USB1: variants seen among roughly 807,000 people sequenced by gnomAD.
USB1 encodes U6 snRNA biogenesis phosphodiesterase 1.
Under a neutral mutation model 29.9 loss-of-function variants are expected in USB1, and 21 were observed. The ratio of observed to expected loss-of-function variants is 0.70; its 90% CI spans 0.50 to 1.01. USB1 has a LOEUF of 1.01. USB1 is among the 50% of genes least tolerant of loss of function. USB1 has a pLI of 0.00. For synonymous variants in USB1, 143 were observed against 134.9 expected (o/e 1.06, Z -0.42); for missense variants, 330 against 347.1 (o/e 0.95, Z 0.39).
At chr16:58,012,778 C>A in intron 3 of USB1, 1 of 1,012,386 alleles carries the variant, frequency 9.9e-7, no homozygotes, top group Non-Finnish European at 1.2e-6. Flanking sequence ...GCACACTGCA[C>A]TTGCGCTAGG....
At chr16:58,001,401 G>A (rs933078813), upstream of USB1, 83 of 1,506,822 alleles carry the variant, frequency 5.5e-5, no homozygotes, top group Non-Finnish European at 7.0e-5. Context: ...CCGCCCCTGG[G>A]AGGGCGCTTC....
At chr16:58,010,881 A>G in intron 3 of USB1, 1 of 644,550 alleles carries the variant, frequency 1.6e-6, no homozygotes, top group Non-Finnish European at 2.8e-6. Context: ...TGTAGTTCCA[A>G]ATTTTTACGG....
chr16:58,011,707 T>G, intron 3 of USB1: 2 of 987,734 alleles, frequency 2.0e-6, no homozygotes, highest in African/African-American at 1.7e-5. Flanking sequence ...TCTTTACCCC[T>G]GGTGGTCATT....
rs1307473252 is a variant in USB1 at position 58,013,316 on chromosome 16, A to G, written c.450-957A>G. The stretch of plus-strand genomic sequence containing the variant: ...TCTTCCTAAAAGCTGCACTTAACCA[A>G]GCTCCTGGTGGTTCTGTGATCCCTT... On this transcript the variant is annotated intron_variant, in intron 3 of 6. Transcript: ENST00000219281. The surrounding 1 kb of genome is among the most constrained non-coding windows in gnomAD (Gnocchi z 4.3). The G allele has an allele frequency of 1.0e-6, 1 of 985,290 alleles. No homozygotes were observed. The highest frequency in any genetic ancestry group is 1.7e-5 in the African/African-American group (1 of 57,210). The allele number at this position is 985,290 out of a possible 1,614,324, so 61.0% of individuals were successfully genotyped here.
chr16:58,003,625 G>C (rs1471972609), intron 2 of USB1, among the ~76,000 whole-genome samples: 1 of 152,204 alleles, frequency 6.6e-6, no homozygotes, highest in African/African-American at 2.4e-5. Context: ...ATATGATCCA[G>C]ATCATCTTTT....
rs1341634903 is a variant in USB1, at chr16:58,009,901, GC to G, written c.266-25del. On this transcript the variant is annotated intron_variant, in intron 2 of 6. Transcript: ENST00000219281. ...CCATGGCACCTTGGCTGAGAGAACGGCCCGCCCTCTTTACTCCTCCCCTCCA... is the reference window on the plus strand; with the variant it reads ...CCATGGCACCTTGGCTGAGAGAACGGCCGCCCTCTTTACTCCTCCCCTCCA... The G allele has an allele frequency of 2.5e-6, 4 of 1,613,716 alleles. No individual in the cohort carries two copies. In the African/African-American group the frequency reaches 5.3e-5, roughly 22 times the overall value.
Position 58,020,326 on chromosome 16 carries a change from T to C in USB1, c.*81T>C. 2 of 1,398,350 alleles carry C rather than the reference T, an allele frequency of 1.4e-6. No individual in the cohort carries two copies. The highest frequency in any genetic ancestry group is 4.8e-5 in the East Asian group (2 of 41,998). The allele number at this position is 1,398,350 out of a possible 1,614,324, so 86.6% of individuals were successfully genotyped here. A position where few individuals can be genotyped will look rare whatever the true frequency, so the allele number is the denominator to read the frequency against. On this transcript the variant is annotated 3_prime_UTR_variant, in exon 7 of 7. Transcript: ENST00000219281. The stretch of plus-strand genomic sequence containing the variant: ...ACCTGCTAAAATCGATGGAGATGCT[T>C]CTAGCCTCCCAGTAGGAGGCCCCAG...
At position 58,001,412 on chromosome 16, in the gene USB1, C is replaced by T; in HGVS notation, c.-72C>T. Reference sequence around the variant, plus strand: ...GGCCCCGCCCCTGGGAGGGCGCTTCCGGCACAGCGGAACTCCGGGTGCCGG... The same window carrying T: ...GGCCCCGCCCCTGGGAGGGCGCTTCTGGCACAGCGGAACTCCGGGTGCCGG... On this transcript the variant is annotated 5_prime_UTR_variant, in exon 1 of 7. Transcript: ENST00000219281. 1 of 1,536,596 alleles carries T rather than the reference C, an allele frequency of 6.5e-7. No individual in the cohort carries two copies. The highest frequency in any genetic ancestry group is 8.8e-7 in the Non-Finnish European group (1 of 1,134,826).
At position 58,014,305 on chromosome 16, in the gene USB1, ACACCAATCAAGAGAAAAC is replaced by A; in HGVS notation, c.485_502del (p.Thr162_Thr167del). ...TTTACTGCCAACCAGGTAAAGATTT[ACACCAATCAAGAGAAAAC>A]CAGGTGGGTCCTCCCAACCCCCAAT... On this transcript the variant is annotated inframe_deletion, in exon 4 of 7. Transcript: ENST00000219281. 6.2e-7 allele frequency: 1 copy of A among 1,613,892 alleles called. No homozygotes were observed. Among genetic ancestry groups the A allele is most frequent in the Non-Finnish European group, 8.5e-7 (1 of 1,179,792 alleles).
At chr16:58,012,836 C>T (rs1367520550) in intron 3 of USB1, 2 of 992,500 alleles carry the variant, frequency 2.0e-6, no homozygotes, top group East Asian at 1.1e-4. Context: ...GCCTGGGCTC[C>T]CCTGCATACA....
chr16:58,005,367 C>T (rs559179952), intron 2 of USB1, among the ~76,000 whole-genome samples: 11 of 152,208 alleles, frequency 7.2e-5, no homozygotes, highest in African/African-American at 2.2e-4. Flanking sequence ...CTGACGCTAC[C>T]GTTAGACCAC....
chr16:58,016,886 G>A (rs770079930), intron 4 of USB1: 6 of 209,906 alleles, frequency 2.9e-5, no homozygotes, highest in Non-Finnish European at 5.9e-5. Context: ...TGCTGAAACC[G>A]TGGGTTCAGG....
In USB1 at chr16:58,010,068, C is replaced by G; in HGVS notation, c.405C>G (p.Leu135=). 2 of 1,614,188 alleles carry G rather than the reference C, an allele frequency of 1.2e-6. No individual in the cohort carries two copies. Among genetic ancestry groups the G allele is most frequent in the Non-Finnish European group, 1.7e-6 (2 of 1,180,026 alleles). Residue 135 remains leucine, a synonymous_variant, in exon 3 of 7, where the codon CTC becomes CTG. Transcript: ENST00000219281. ...QSVVLRHHWI[L]PFVQALKARM... is the part of the protein sequence containing the mutation. ...TGGTTCTGCGCCACCACTGGATCCTCCCCTTCGTGCAGGCTCTGAAAGCCC... is the reference window on the plus strand; with the variant it reads ...TGGTTCTGCGCCACCACTGGATCCTGCCCTTCGTGCAGGCTCTGAAAGCCC...
At chr16:58,016,538 TCTTC>T (rs2142310776) in intron 4 of USB1, 1 of 154,520 alleles carries the variant, frequency 6.5e-6, no homozygotes, top group East Asian at 1.9e-4. Flanking sequence ...GATCCAGTGA[TCTTC>T]ACCACGGGGA....
intron 3 of USB1, chr16:58,011,354 C>A (rs780792646): frequency 7.7e-5 from 99 of 1,278,278 alleles, no homozygotes; most frequent in Middle Eastern, 2.7e-4. Context: ...GGGTTAGTAC[C>A]AGACCCCACT....
Position 58,006,008 on chromosome 16 carries a change from T to G in USB1, c.265+3363T>G, listed in dbSNP as rs553570217. 8.5e-5 allele frequency among the ~76,000 whole-genome samples: 13 copies of G among 152,152 alleles called. No individual in the cohort carries two copies. The South Asian group carries it at 2.7e-3, about 32-fold the overall frequency. On this transcript the variant is annotated intron_variant, in intron 2 of 6. Coordinates refer to ENST00000219281, the MANE Select transcript of USB1 (RefSeq NM_024598.4). Reference sequence around the variant, plus strand: ...TATATCATTTATTACTTCCAGGAAATTTTTTTTGGTAGTTCTTTTGGATTT... The same window carrying G: ...TATATCATTTATTACTTCCAGGAAAGTTTTTTTGGTAGTTCTTTTGGATTT...
In USB1 at chr16:58,001,522, C is replaced by T. The variant is rs1369297387; in HGVS notation, c.39C>T (p.Gly13=). ...AAPLVGYSSS[G]SEDESEDGMR... is the part of the protein sequence containing the mutation. ...CCCTGGTGGGCTACAGCAGCAGCGG[C>T]TCCGAGGATGAGTCCGAGGACGGGA... The change falls in exon 1 of 7, where the codon GGC becomes GGT. Residue 13 remains glycine (G), a synonymous_variant. Coordinates refer to ENST00000219281, the MANE Select transcript of USB1 (RefSeq NM_024598.4). The T allele has an allele frequency of 6.2e-7, 1 of 1,608,558 alleles. No individual in the cohort carries two copies. Among genetic ancestry groups the T allele is most frequent in the Non-Finnish European group, 8.5e-7 (1 of 1,178,032 alleles).
rs370473790 is a variant in USB1, at chr16:58,020,410, T to TTC, written c.*177_*178dup. On this transcript the variant is annotated 3_prime_UTR_variant, in exon 7 of 7. Coordinates refer to ENST00000219281, the MANE Select transcript of USB1 (RefSeq NM_024598.4). ...TCCTCATCCTCCCTGAGTGCTGATA[T>TTC]TCTCTCTCTCTCTTTCTCTTCCTCT... The TTC allele has an allele frequency of 8.8e-6, 6 of 679,072 alleles. No homozygotes were observed. Among genetic ancestry groups the TTC allele is most frequent in the African/African-American group, 7.1e-5 (4 of 55,976 alleles). 42.1% of individuals were successfully genotyped at this position (679,072 alleles called of 1,614,324 possible). A position where few individuals can be genotyped will look rare whatever the true frequency, so the allele number is the denominator to read the frequency against.
chr16:58,006,532 G>T (rs748900474), intron 2 of USB1, among the ~76,000 whole-genome samples: 4 of 152,082 alleles, frequency 2.6e-5, no homozygotes, highest in Non-Finnish European at 5.9e-5. Flanking sequence ...GGTGGCACAT[G>T]CCTGTAATCC....
Sources: allele counts gnomAD v4.1 joint callset (sites outside exome capture counted in the v4.1 genomes callset), GRCh38; gene constraint gnomAD v4.1.1; non-coding constraint Gnocchi (gnomAD v3.1); transcripts MANE v1.5; gene names NCBI Gene and HGNC (gene_info 2026-07-23, HGNC 2026-07-21).